The following ANKRD13B variants were observed in gnomAD, a reference collection of about 807,000 sequenced individuals.
The protein encoded by ANKRD13B is ankyrin repeat domain 13B, also known as ankyrin repeat domain-containing protein 13B.
ANKRD13B carries 33 observed loss-of-function variants against 74.4 expected under a neutral mutation model. The observed-to-expected ratio is 0.44, with a 90% CI of 0.34 to 0.59. The LOEUF (loss-of-function observed/expected upper bound fraction) is 0.59. Ranked by LOEUF, ANKRD13B falls within the 20% of genes least tolerant of loss-of-function variation. The probability of loss-of-function intolerance (pLI) is 0.02; values close to 1 mark genes in which losing one functional copy is unlikely to be tolerated. For synonymous variants in ANKRD13B, 341 were observed against 362.9 expected, an observed-to-expected ratio of 0.94 and a Z score of 0.68; for missense variants, 676 against 877.9, an observed-to-expected ratio of 0.77 and a Z score of 2.91.
chr17:29,611,824 C>T lies in ANKRD13B; in HGVS notation c.970-52C>T, dbSNP rs564790307. 3 of 1,564,638 alleles carry T rather than the reference C, an allele frequency of 1.9e-6. No individual in the cohort carries two copies. The African/African-American group carries it at 4.1e-5, about 21-fold the overall frequency. On this transcript the variant is annotated intron_variant, in intron 9 of 14. Transcript: ENST00000394859. The surrounding 1 kb of genome is among the most constrained non-coding windows in gnomAD (Gnocchi z 4.3). ...GGCCTTGTGACAACAAATGAGTTGG[C>T]CTGGCATTAGGAACTGAGGGGAGCT...
chr17:29,594,369 G>T (rs2033879001), intron 1 of ANKRD13B, among the ~76,000 whole-genome samples: 1 of 152,204 alleles, frequency 6.6e-6, no homozygotes. Context: ...GTTTCTAGGC[G>T]CAGAGGAAGC....
In ANKRD13B at chr17:29,613,831, A is replaced by G; in HGVS notation, c.*249A>G. 1 of 548,396 alleles carries G rather than the reference A, an allele frequency of 1.8e-6. No homozygotes were observed. Among genetic ancestry groups the G allele is most frequent in the Non-Finnish European group, 3.0e-6 (1 of 334,134 alleles). 34.0% of individuals were successfully genotyped at this position (548,396 alleles called of 1,614,324 possible). On this transcript the variant is annotated 3_prime_UTR_variant, in exon 15 of 15. Transcript: ENST00000394859. ...TGCTTTGCTGTATTCTGATTCCCCA[A>G]CCCGCTCCCCTGGGCTCAGATCTGT...
At position 29,613,480 on chromosome 17, in the gene ANKRD13B, G is replaced by A. The variant is rs1395304157; in HGVS notation, c.1779G>A (p.Ala593=). 46 of 1,532,616 alleles carry A rather than the reference G, an allele frequency of 3.0e-5. 1 individual carries two copies. Among genetic ancestry groups the A allele is most frequent in the Non-Finnish European group, 3.7e-5 (42 of 1,141,752 alleles). The allele number at this position is 1,532,616 out of a possible 1,614,324, so 94.9% of individuals were successfully genotyped here. The part of the protein sequence containing the change: ...FRSYDEQLRL[A]MELSAQEQEE... ...GCTACGACGAGCAGCTGCGGCTGGC[G>A]ATGGAACTGTCGGCGCAGGAGCAGG... The change falls in exon 15 of 15, where the codon GCG becomes GCA. Residue 593 remains alanine (A), a synonymous_variant. Transcript: ENST00000394859.
chr17:29,598,584 T>C (rs2034042780), intron 1 of ANKRD13B, among the ~76,000 whole-genome samples: 1 of 147,208 alleles, frequency 6.8e-6, no homozygotes, highest in African/African-American at 2.5e-5. Flanking sequence ...CGTCTCACTC[T>C]GTCACCCAGG....
chr17:29,609,083 C>A lies in ANKRD13B; in HGVS notation c.566-3C>A. The A allele has an allele frequency of 6.2e-7, 1 of 1,610,528 alleles. No individual in the cohort carries two copies. The highest frequency in any genetic ancestry group is 1.1e-5 in the South Asian group (1 of 91,048). On this transcript the variant is annotated splice_region_variant and splice_polypyrimidine_tract_variant and intron_variant, in intron 5 of 14. Transcript: ENST00000394859. This position sits in a 1 kb window ranked among gnomAD's most constrained non-coding sequence, Gnocchi z 4.0. ...TCCCCCTGTGCTGTTCCGTGTCTGG[C>A]AGACACAAGCGCCGTGGTCATGGAG...
Position 29,611,614 on chromosome 17 carries a change from G to T in ANKRD13B, c.940G>T (p.Ala314Ser), listed in dbSNP as rs1403646075. 6.2e-7 allele frequency: 1 copy of T among 1,614,184 alleles called. No individual in the cohort carries two copies. The highest frequency in any genetic ancestry group is 8.5e-7 in the Non-Finnish European group (1 of 1,180,010). Reference sequence around the variant, plus strand: ...ACCTTTGCAGTCCTTCCTGGGAATCGCTGAGCAGCACGGGGGCCCCCAAAA... The same window carrying T: ...ACCTTTGCAGTCCTTCCTGGGAATCTCTGAGCAGCACGGGGGCCCCCAAAA... ...KTPLQSFLGI[A>S]EQHGGPQNGT... The change falls in exon 9 of 15, where the codon GCT becomes TCT. Residue 314 changes from alanine to serine, a missense_variant. Ala to Ser is a moderately conservative substitution (Grantham distance 99). Transcript: ENST00000394859. This position sits in a 1 kb window ranked among gnomAD's most constrained non-coding sequence, Gnocchi z 4.3.
intron 1 of ANKRD13B, among the ~76,000 whole-genome samples, chr17:29,606,591 T>C (rs942237119): frequency 1.3e-5 from 2 of 151,482 alleles, no homozygotes; most frequent in African/African-American, 4.9e-5. Context: ...AAACAAAACT[T>C]ACGTTTAACA....
In ANKRD13B at chr17:29,607,644, G is replaced by C. The variant is rs2034435419; in HGVS notation, c.115-98G>C. ...TTGGTGAGGCAGAGCAGCCCCAGCAGGGGGTGGGGGTTGCTGCCTGCTCCA... is the reference window on the plus strand; with the variant it reads ...TTGGTGAGGCAGAGCAGCCCCAGCACGGGGTGGGGGTTGCTGCCTGCTCCA... On this transcript the variant is annotated intron_variant, in intron 1 of 14. Coordinates refer to ENST00000394859, the MANE Select transcript of ANKRD13B (RefSeq NM_152345.5). The C allele has an allele frequency of 2.7e-6, 4 of 1,476,230 alleles. No homozygotes were observed. The Admixed American group carries it at 6.3e-5, about 23-fold the overall frequency. The allele number at this position is 1,476,230 out of a possible 1,614,324, so 91.4% of individuals were successfully genotyped here.
At chr17:29,605,416 A>G (rs1303051432) in intron 1 of ANKRD13B, among the ~76,000 whole-genome samples, 2 of 79,394 alleles carry the variant, frequency 2.5e-5, no homozygotes, top group East Asian at 2.3e-4. Context: ...ACACACACAA[A>G]CACACACACA....
rs1432405236 is a variant in ANKRD13B, at chr17:29,593,204, G to GT, written c.-417dup. 6.6e-6 allele frequency among the ~76,000 whole-genome samples: 1 copy of GT among 151,118 alleles called. No individual in the cohort carries two copies. The highest frequency in any genetic ancestry group is 1.5e-5 in the Non-Finnish European group (1 of 67,630). On this transcript the variant is annotated 5_prime_UTR_variant, in exon 1 of 15. An upstream open reading frame in the 5' UTR gains an earlier in-frame stop. Coordinates refer to ENST00000394859, the MANE Select transcript of ANKRD13B (RefSeq NM_152345.5). ...GGGCTGAGGGCCGGGCTATGCAGCTGTGGGGACCCGGGGGCTGCGGGCGCG... is the reference window on the plus strand; with the variant it reads ...GGGCTGAGGGCCGGGCTATGCAGCTGTTGGGGACCCGGGGGCTGCGGGCGCG...
intron 1 of ANKRD13B, chr17:29,593,997 A>G: frequency 4.8e-6 from 1 of 209,786 alleles, no homozygotes; most frequent in African/African-American, 2.3e-5. Context: ...TGAGGGCTGC[A>G]GGGAGGGGCT....
Position 29,612,698 on chromosome 17 carries a change from G to A in ANKRD13B, c.1458G>A (p.Pro486=). The change falls in exon 13 of 15, where the codon CCG becomes CCA. Residue 486 remains proline (P), a synonymous_variant. Transcript: ENST00000394859. The surrounding 1 kb of genome is among the most constrained non-coding windows in gnomAD (Gnocchi z 6.1). Reference sequence around the variant, plus strand: ...TCTCCCCAGCGTTGTTCGAGGCCCCGCGCGGCTACAGCATGATGGGCGGCC... The same window carrying A: ...TCTCCCCAGCGTTGTTCGAGGCCCCACGCGGCTACAGCATGATGGGCGGCC... ...CEISPALFEA[P]RGYSMMGGQR... 1.9e-6 allele frequency: 3 copies of A among 1,594,912 alleles called. No individual in the cohort carries two copies. The highest frequency in any genetic ancestry group is 2.6e-6 in the Non-Finnish European group (3 of 1,176,258).
chr17:29,613,437 G>A lies in ANKRD13B; in HGVS notation c.1736G>A (p.Gly579Asp). The change falls in exon 15 of 15, where the codon GGC (glycine) becomes GAC (aspartate). Residue 579 changes from glycine to aspartate, a missense_variant. Physicochemically the swap from Gly to Asp is moderately conservative, Grantham distance 94. This residue lies in a region of ANKRD13B where 108 missense variants were observed against 90.3 expected (regional missense o/e 1.20). Coordinates refer to ENST00000394859, the MANE Select transcript of ANKRD13B (RefSeq NM_152345.5). ...CGGCCCAGCTCAGGGCCAGGTTCCG[G>A]CGGCCACGTGTTCCGGAGCTACGAC... is the stretch of plus-strand genomic sequence containing the variant. ...SPRPSSGPGS[G>D]GHVFRSYDEQ... The A allele has an allele frequency of 6.5e-7, 1 of 1,530,900 alleles. No homozygotes were observed. The highest frequency in any genetic ancestry group is 8.8e-7 in the Non-Finnish European group (1 of 1,141,702). The allele number at this position is 1,530,900 out of a possible 1,614,324, so 94.8% of individuals were successfully genotyped here.
At position 29,611,863 on chromosome 17, in the gene ANKRD13B, C is replaced by T; in HGVS notation, c.970-13C>T. ...CTGAGGGGAGCTCCTGGGCCCCTCC[C>T]CATGTGGTACAGACCCTGATCACTC... On this transcript the variant is annotated splice_polypyrimidine_tract_variant and intron_variant, in intron 9 of 14. Transcript: ENST00000394859. The surrounding 1 kb of genome is among the most constrained non-coding windows in gnomAD (Gnocchi z 4.3). 1 of 1,580,032 alleles carries T rather than the reference C, an allele frequency of 6.3e-7. No individual in the cohort carries two copies. The highest frequency in any genetic ancestry group is 8.6e-7 in the Non-Finnish European group (1 of 1,161,458).
intron 1 of ANKRD13B, among the ~76,000 whole-genome samples, chr17:29,598,530 TTCTC>T (rs927784069): frequency 7.1e-6 from 1 of 141,276 alleles, no homozygotes; most frequent in African/African-American, 2.6e-5. Flanking sequence ...CTCCCTCCCT[TTCTC>T]TTTCTTTCTT....
At chr17:29,610,084 C>G (rs557757496) in intron 7 of ANKRD13B, among the ~76,000 whole-genome samples, 1 of 151,116 alleles carries the variant, frequency 6.6e-6, no homozygotes, top group South Asian at 2.1e-4. Flanking sequence ...CCCAGCTACT[C>G]GGGAGGCTGA....
At position 29,593,545 on chromosome 17, in the gene ANKRD13B, C is replaced by A. The variant is rs2033840003; in HGVS notation, c.-77C>A. The A allele has an allele frequency of 1.6e-6, 1 of 616,586 alleles. No individual in the cohort carries two copies. The highest frequency in any genetic ancestry group is 2.1e-6 in the Non-Finnish European group (1 of 485,618). 38.2% of individuals were successfully genotyped at this position (616,586 alleles called of 1,614,324 possible). A position where few individuals can be genotyped will look rare whatever the true frequency, so the allele number is the denominator to read the frequency against. ...AGCAGGCAGCGCCGGCCCCCCGCCC[C>A]GCGGCCCCGGGCCCCGGCTCCGGCG... is the stretch of plus-strand genomic sequence containing the variant. On this transcript the variant is annotated 5_prime_UTR_variant, in exon 1 of 15. Coordinates refer to ENST00000394859, the MANE Select transcript of ANKRD13B (RefSeq NM_152345.5).
intron 1 of ANKRD13B, among the ~76,000 whole-genome samples, chr17:29,604,499 G>A (rs540875927): frequency 2.4e-4 from 36 of 150,310 alleles, no homozygotes; most frequent in Non-Finnish European, 4.9e-4. Flanking sequence ...GTGAGCCACC[G>A]TGCCTGGCCT....
Position 29,612,418 on chromosome 17 carries a change from C to T in ANKRD13B, c.1275C>T (p.His425=), listed in dbSNP as rs145870428. The change falls in exon 12 of 15, where the codon CAC becomes CAT. Residue 425 remains histidine (H), a synonymous_variant. Coordinates refer to ENST00000394859, the MANE Select transcript of ANKRD13B (RefSeq NM_152345.5). This position sits in a 1 kb window ranked among gnomAD's most constrained non-coding sequence, Gnocchi z 6.1. ...CATCCTCAGAAATCCCGATCTTCCA[C>T]ATCCTCAACGCCCGCATCACCTTCG... ...FPVKIEIPIF[H]ILNARITFGN... 2.0e-3 allele frequency: 3,158 copies of T among 1,612,246 alleles called. 8 individuals carry two copies. The highest frequency in any genetic ancestry group is 2.4e-3 in the Non-Finnish European group (2,871 of 1,179,244).
Sources: allele counts gnomAD v4.1 joint callset (sites outside exome capture counted in the v4.1 genomes callset), GRCh38; gene constraint gnomAD v4.1.1; regional missense constraint gnomAD v4.1.1; non-coding constraint Gnocchi (gnomAD v3.1); transcripts MANE v1.5; gene names NCBI Gene and HGNC (gene_info 2026-07-23, HGNC 2026-07-21).